Variants in GMDS observed in about 807,000 individuals in gnomAD.
GMDS encodes GDP-mannose 4,6 dehydratase.
Under a neutral mutation model 49.9 loss-of-function variants are expected in GMDS, and 20 were observed. The ratio of observed to expected loss-of-function variants is 0.40; its 90% CI spans 0.28 to 0.58. The LOEUF (loss-of-function observed/expected upper bound fraction) is 0.58. Ranked by LOEUF, GMDS falls within the 20% of genes least tolerant of loss-of-function variation. GMDS has a pLI of 0.42. For synonymous variants in GMDS, 177 were observed against 178.6 expected, an observed-to-expected ratio of 0.99 and a Z score of 0.07; for missense variants, 362 against 481.4, an observed-to-expected ratio of 0.75 and a Z score of 2.32.
At chr6:1,962,243 G>C (rs1331120807) in intron 4 of GMDS, among the ~76,000 whole-genome samples, 1 of 152,106 alleles carries the variant, frequency 6.6e-6, no homozygotes, top group Non-Finnish European at 1.5e-5. Context: ...TCAGAACCTA[G>C]TATCAGCAGC....
intron 1 of GMDS, among the ~76,000 whole-genome samples, chr6:2,221,206 A>G (rs1419411066): frequency 6.6e-6 from 1 of 152,172 alleles, no homozygotes; most frequent in African/African-American, 2.4e-5. Context: ...ACAAAAAAAC[A>G]CAAAATTGTG....
Position 2,245,588 on chromosome 6 carries a change from G to C in GMDS, c.-166C>G, listed in dbSNP as rs896416204. On this transcript the variant is annotated 5_prime_UTR_variant, in exon 1 of 11. Coordinates refer to ENST00000380815, the MANE Select transcript of GMDS (RefSeq NM_001500.4). The stretch of plus-strand genomic sequence containing the variant: ...CCGCCACAGTCTGACAGGGGCGCAC[G>C]GGAGGCCGTGCAGGGAGGGCCGGGG... 5.8e-5 allele frequency: 23 copies of C among 397,460 alleles called. No homozygotes were observed. The Admixed American group carries it at 6.6e-4, about 11-fold the overall frequency. The allele number at this position is 397,460 out of a possible 1,614,324, so 24.6% of individuals were successfully genotyped here. A position where few individuals can be genotyped will look rare whatever the true frequency, so the allele number is the denominator to read the frequency against.
At chr6:1,728,735 T>C in intron 8 of GMDS, among the ~76,000 whole-genome samples, 1 of 152,164 alleles carries the variant, frequency 6.6e-6, no homozygotes, top group East Asian at 1.9e-4. Flanking sequence ...CTTTAGACTT[T>C]GGTGGGGTCT....
At chr6:1,882,081 ACTT>A (rs1759390885) in intron 7 of GMDS, among the ~76,000 whole-genome samples, 1 of 152,218 alleles carries the variant, frequency 6.6e-6, no homozygotes, top group Admixed American at 6.5e-5. Context: ...TATTTTTAGA[ACTT>A]CTTTTCTAAA....
chr6:1,735,610 A>C (rs375269758), intron 8 of GMDS, among the ~76,000 whole-genome samples: 1 of 152,148 alleles, frequency 6.6e-6, no homozygotes, highest in African/African-American at 2.4e-5. Flanking sequence ...CAGCTTACCC[A>C]GTGCCCACAC....
At chr6:2,104,106 G>T (rs952447390) in intron 4 of GMDS, among the ~76,000 whole-genome samples, 3 of 152,224 alleles carry the variant, frequency 2.0e-5, no homozygotes, top group African/African-American at 7.2e-5. Flanking sequence ...GCAGGCTATT[G>T]CTTGCCGCTG....
At chr6:1,858,935 T>C (rs1448009032) in intron 7 of GMDS, among the ~76,000 whole-genome samples, 2 of 150,318 alleles carry the variant, frequency 1.3e-5, no homozygotes, top group Non-Finnish European at 3.0e-5. Flanking sequence ...AAAGGAGAAA[T>C]GGCCGTATCT....
intron 1 of GMDS, among the ~76,000 whole-genome samples, chr6:2,199,011 C>T: frequency 6.6e-6 from 1 of 152,218 alleles, no homozygotes; most frequent in Admixed American, 6.5e-5. Context: ...AGAGAACATA[C>T]AACTATCTTT....
chr6:1,629,755 T>C (rs1423834395), intron 9 of GMDS, among the ~76,000 whole-genome samples: 2 of 152,170 alleles, frequency 1.3e-5, no homozygotes, highest in African/African-American at 4.8e-5. Context: ...TTTAAAATCC[T>C]CTGACCACCC....
chr6:1,963,741 C>T (rs575843485), intron 4 of GMDS, among the ~76,000 whole-genome samples: 7 of 152,212 alleles, frequency 4.6e-5, no homozygotes, highest in Middle Eastern at 3.4e-3. Flanking sequence ...CTTGGGAGAG[C>T]GGGTGTCAGG....
chr6:2,080,365 G>A (rs1288409557), intron 4 of GMDS, among the ~76,000 whole-genome samples: 2 of 152,184 alleles, frequency 1.3e-5, no homozygotes, highest in Non-Finnish European at 2.9e-5. Flanking sequence ...TTCCCCTGGA[G>A]ATGTCATATT....
At chr6:1,654,687 T>C (rs1449512185) in intron 9 of GMDS, among the ~76,000 whole-genome samples, 3 of 152,104 alleles carry the variant, frequency 2.0e-5, no homozygotes, top group African/African-American at 4.8e-5. Context: ...CACAACACTG[T>C]GAATGTACTT....
chr6:1,656,362 C>T (rs1763879860), intron 9 of GMDS, among the ~76,000 whole-genome samples: 1 of 152,194 alleles, frequency 6.6e-6, no homozygotes, highest in Non-Finnish European at 1.5e-5. Context: ...ATCACAAATT[C>T]AGGCTCAAAG....
chr6:1,907,821 A>C (rs1243648924), intron 7 of GMDS, among the ~76,000 whole-genome samples: 1 of 152,176 alleles, frequency 6.6e-6, no homozygotes, highest in Middle Eastern at 3.2e-3. Flanking sequence ...CTGGCCAATA[A>C]ATGAACTATA....
intron 4 of GMDS, among the ~76,000 whole-genome samples, chr6:2,016,607 A>T (rs12206316): frequency 0.45 from 69,159 of 152,002 alleles, 15,891 homozygotes; most frequent in Middle Eastern, 0.53. Context: ...ATTAATGAAC[A>T]CTATATCTAA....
intron 7 of GMDS, among the ~76,000 whole-genome samples, chr6:1,773,697 G>A (rs1364510930): frequency 6.6e-6 from 1 of 152,148 alleles, no homozygotes; most frequent in Non-Finnish European, 1.5e-5. Flanking sequence ...AATTCTAACC[G>A]TTTCACTCCT....
intron 9 of GMDS, among the ~76,000 whole-genome samples, chr6:1,682,475 G>C (rs1476885390): frequency 6.6e-6 from 1 of 152,250 alleles, no homozygotes; most frequent in Non-Finnish European, 1.5e-5. Flanking sequence ...GCCACTGGGA[G>C]GACCGGGGAC....
At chr6:2,235,743 T>C (rs972126837) in intron 1 of GMDS, among the ~76,000 whole-genome samples, 2 of 151,266 alleles carry the variant, frequency 1.3e-5, no homozygotes, top group East Asian at 1.9e-4. Context: ...GCCCAGGAGG[T>C]TGAGGCTCCA....
intron 9 of GMDS, among the ~76,000 whole-genome samples, chr6:1,659,781 CTT>C (rs1764007492): frequency 6.6e-6 from 1 of 152,014 alleles, no homozygotes. Context: ...TTGAGAAAGA[CTT>C]TGTTATTCAG....
Sources: allele counts gnomAD v4.1 joint callset (sites outside exome capture counted in the v4.1 genomes callset), GRCh38; gene constraint gnomAD v4.1.1; transcripts MANE v1.5; gene names NCBI Gene and HGNC (gene_info 2026-07-23, HGNC 2026-07-21).